Variants in ACTR3C observed in about 807,000 individuals in gnomAD.
ACTR3C encodes the protein actin-related protein 3C.
Under a neutral mutation model 26.3 loss-of-function variants are expected in ACTR3C, and 18 were observed. The ratio of observed to expected loss-of-function variants is 0.68; its 90% CI spans 0.47 to 1.01. The LOEUF is 1.01. ACTR3C is among the 50% of genes least tolerant of loss of function. The pLI is 0.00. For missense variants in ACTR3C, 184 were observed against 250.7 expected (o/e 0.73, Z 1.80); for synonymous variants, 55 against 94.5 (o/e 0.58, Z 2.42).
At chr7:150,043,388 C>T in the ACTR3C span, among the ~76,000 whole-genome samples, 99 of 152,060 alleles carry the variant, frequency 6.5e-4, no homozygotes, top group African/African-American at 2.3e-3. Context: ...GGCTGGCTCT[C>T]AACCACCACG....
the ACTR3C span, among the ~76,000 whole-genome samples, chr7:150,129,234 C>T: frequency 1.7e-3 from 264 of 152,082 alleles, 1 homozygote; most frequent in Non-Finnish European, 3.3e-3. Flanking sequence ...TCATAACCTG[C>T]CAAAAGATAT....
chr7:149,892,346 C>T, the ACTR3C span: 2 of 1,607,182 alleles, frequency 1.2e-6, no homozygotes, highest in Non-Finnish European at 8.5e-7. Flanking sequence ...CTCCCCTCAA[C>T]ACTCTCCTTT....
At chr7:150,131,538 GA>G in the ACTR3C span, among the ~76,000 whole-genome samples, 2 of 147,900 alleles carry the variant, frequency 1.4e-5, no homozygotes, top group African/African-American at 2.7e-5. Context: ...ATTTATTCAA[GA>G]AAAAAAATGG....
At chr7:150,133,674 C>G in the ACTR3C span, among the ~76,000 whole-genome samples, 3 of 152,166 alleles carry the variant, frequency 2.0e-5, no homozygotes, top group East Asian at 3.9e-4. Context: ...TTTCCCCTCA[C>G]CTTTGACTAC....
the ACTR3C span, among the ~76,000 whole-genome samples, chr7:150,011,025 CCTT>C: frequency 6.8e-6 from 1 of 146,780 alleles, no homozygotes; most frequent in Non-Finnish European, 1.5e-5. Flanking sequence ...GTGTTTTCCT[CCTT>C]CTTTAGTTAC....
the ACTR3C span, among the ~76,000 whole-genome samples, chr7:149,940,076 G>A: frequency 4.7e-5 from 7 of 148,788 alleles, no homozygotes; most frequent in Non-Finnish European, 8.9e-5. Context: ...TATTACTCTG[G>A]TCTCCTTTGG....
chr7:150,273,856 C>T (rs9655597), intron 6 of ACTR3C, among the ~76,000 whole-genome samples: 22,698 of 149,016 alleles, frequency 0.15, 587 homozygotes, highest in African/African-American at 0.28. Context: ...ACCTCACCAG[C>T]CTGGCAACCC....
At chr7:150,023,004 C>T in the ACTR3C span, among the ~76,000 whole-genome samples, 2 of 151,480 alleles carry the variant, frequency 1.3e-5, no homozygotes, top group African/African-American at 4.9e-5. Context: ...ACAACTCACA[C>T]AGTACAGATC....
At chr7:150,102,334 T>C in the ACTR3C span, among the ~76,000 whole-genome samples, 91 of 152,038 alleles carry the variant, frequency 6.0e-4, 1 homozygote, top group Middle Eastern at 3.4e-3. Context: ...AAGGATTTAT[T>C]CGATTACTGC....
intron 6 of ACTR3C, among the ~76,000 whole-genome samples, chr7:150,252,070 A>C (rs2129609309): frequency 6.6e-6 from 1 of 152,022 alleles, no homozygotes; most frequent in South Asian, 2.1e-4. Context: ...TTTAACTTCG[A>C]CATTTCAATT....
chr7:150,305,481 CCTCCTCT>C (rs1795740409), intron 1 of ACTR3C, among the ~76,000 whole-genome samples: 1 of 152,158 alleles, frequency 6.6e-6, no homozygotes, highest in African/African-American at 2.4e-5. Context: ...GGCTGCCTGA[CCTCCTCT>C]CTCCACACTC....
At chr7:150,260,327 G>T (rs1833550790) in intron 6 of ACTR3C, among the ~76,000 whole-genome samples, 1 of 152,174 alleles carries the variant, frequency 6.6e-6, no homozygotes, top group Admixed American at 6.5e-5. Flanking sequence ...TTTATGTTCT[G>T]TTTGATTACA....
intron 1 of ACTR3C, among the ~76,000 whole-genome samples, chr7:150,305,472 G>A (rs1381166145): frequency 2.0e-5 from 3 of 151,976 alleles, no homozygotes; most frequent in African/African-American, 7.3e-5. Context: ...CTGTGCAAAG[G>A]CTGCCTGACC....
At chr7:150,070,012 T>G in the ACTR3C span, among the ~76,000 whole-genome samples, 6 of 152,104 alleles carry the variant, frequency 3.9e-5, no homozygotes, top group African/African-American at 1.2e-4. Context: ...GAAAGGAACA[T>G]GGACGCCTTC....
the ACTR3C span, among the ~76,000 whole-genome samples, chr7:149,899,901 C>CA: frequency 0.019 from 2,340 of 121,268 alleles, 85 homozygotes; most frequent in African/African-American, 0.062. Context: ...AACTAAAGAC[C>CA]AAAAAAAAAA....
At chr7:149,955,163 G>A in the ACTR3C span, among the ~76,000 whole-genome samples, 1 of 152,298 alleles carries the variant, frequency 6.6e-6, no homozygotes, top group East Asian at 1.9e-4. Context: ...ATGCATGCTA[G>A]GTAAAACTGT....
chr7:150,118,690 A>G, the ACTR3C span, among the ~76,000 whole-genome samples: 1 of 143,230 alleles, frequency 7.0e-6, no homozygotes, highest in Non-Finnish European at 1.5e-5. Context: ...AACTTCCCCA[A>G]CCTAGCAAGG....
At chr7:150,287,205 C>T (rs938317259) in intron 4 of ACTR3C, among the ~76,000 whole-genome samples, 1 of 151,656 alleles carries the variant, frequency 6.6e-6, no homozygotes, top group Non-Finnish European at 1.5e-5. Context: ...CACAAGGTAG[C>T]GAAACACACA....
At chr7:150,085,704 C>A in the ACTR3C span, among the ~76,000 whole-genome samples, 5 of 152,040 alleles carry the variant, frequency 3.3e-5, no homozygotes, top group South Asian at 8.4e-4. Flanking sequence ...ATTCTGAGAC[C>A]CAGAAGGAAT....
Sources: allele counts gnomAD v4.1 joint callset (sites outside exome capture counted in the v4.1 genomes callset), GRCh38; gene constraint gnomAD v4.1.1; transcripts MANE v1.5; gene names NCBI Gene and HGNC (gene_info 2026-07-23, HGNC 2026-07-21).